PCDHGA7: variants seen among roughly 807,000 people sequenced by gnomAD.
PCDHGA7 encodes protocadherin gamma subfamily A, 7.
In PCDHGA7, 44 loss-of-function variants were observed where a neutral mutation model predicts 58.3. That is an observed-to-expected ratio of 0.75 (90% CI 0.59 to 0.97). The LOEUF (loss-of-function observed/expected upper bound fraction) is 0.97, where lower values mean the gene tolerates loss of function less well. PCDHGA7 is among the 50% of genes least tolerant of loss of function. The pLI, the probability that PCDHGA7 is intolerant of heterozygous loss-of-function variation, is 0.00. For synonymous variants in PCDHGA7, 516 were observed against 504.2 expected, an observed-to-expected ratio of 1.02 and a Z score of -0.31; for missense variants, 1,266 against 1,188.7, an observed-to-expected ratio of 1.06 and a Z score of -0.96.
Position 141,485,156 on chromosome 5 carries a change from A to G in PCDHGA7, c.2425-9651A>G. The G allele has an allele frequency of 6.3e-7, 1 of 1,599,118 alleles. No homozygotes were observed. The highest frequency in any genetic ancestry group is 8.6e-7 in the Non-Finnish European group (1 of 1,168,318). On this transcript the variant is annotated intron_variant, in intron 1 of 3. Transcript: ENST00000518325. The surrounding 1 kb of genome is among the most constrained non-coding windows in gnomAD (Gnocchi z 5.7). ...ATCCGCGTCTCAGGAGCAAGTAGAG[A>G]ATTAGCGGGCGGCAGCAATGCTCCG... is the stretch of plus-strand genomic sequence containing the variant.
chr5:141,415,920 G>T, intron 1 of PCDHGA7: 1 of 692,798 alleles, frequency 1.4e-6, no homozygotes, highest in Non-Finnish European at 2.0e-6. Context: ...AGAAGTGCCT[G>T]TCAATTTATA....
chr5:141,444,902 G>A (rs1442325957), intron 1 of PCDHGA7, among the ~76,000 whole-genome samples: 1 of 152,160 alleles, frequency 6.6e-6, no homozygotes, highest in Non-Finnish European at 1.5e-5. Context: ...GGATGGCATT[G>A]CATCTATACC....
Position 141,485,243 on chromosome 5 carries a change from C to A in PCDHGA7, c.2425-9564C>A. ...TACCCTTTTGTTCCTCTTTTACCACCTGGGTTACGTTTGTGGGCAGATCCG... is the reference window on the plus strand; with the variant it reads ...TACCCTTTTGTTCCTCTTTTACCACATGGGTTACGTTTGTGGGCAGATCCG... On this transcript the variant is annotated intron_variant, in intron 1 of 3. Transcript: ENST00000518325. This position sits in a 1 kb window ranked among gnomAD's most constrained non-coding sequence, Gnocchi z 5.7. 1 of 1,614,180 alleles carries A rather than the reference C, an allele frequency of 6.2e-7. No homozygotes were observed. The highest frequency in any genetic ancestry group is 8.5e-7 in the Non-Finnish European group (1 of 1,180,000).
intron 1 of PCDHGA7, chr5:141,409,742 G>T (rs763304955): frequency 5.0e-6 from 8 of 1,612,988 alleles, no homozygotes; most frequent in African/African-American, 1.3e-5. Flanking sequence ...GAGCGGGGTG[G>T]TGTTCGCGCA....
chr5:141,501,333 A>ACACACACC (rs1186649373), intron 2 of PCDHGA7, among the ~76,000 whole-genome samples: 1 of 140,020 alleles, frequency 7.1e-6, no homozygotes, highest in African/African-American at 2.6e-5. Context: ...ACACACACAC[A>ACACACACC]CCCCAAACTC....
rs532907359 is a variant in PCDHGA7, at chr5:141,500,353, C to T, written c.2484-5040C>T. 1.9e-4 allele frequency among the ~76,000 whole-genome samples: 29 copies of T among 152,052 alleles called. No homozygotes were observed. The East Asian group carries it at 5.2e-3, about 27-fold the overall frequency. The stretch of plus-strand genomic sequence containing the variant: ...CCTCCAGAATAGCTGGGACTACAGG[C>T]GCCCACTACCACGCCCGGCTAATTA... On this transcript the variant is annotated intron_variant, in intron 2 of 3. Transcript: ENST00000518325.
chr5:141,474,405 G>C (rs2099348833), intron 1 of PCDHGA7, among the ~76,000 whole-genome samples: 1 of 152,196 alleles, frequency 6.6e-6, no homozygotes, highest in Admixed American at 6.5e-5. Context: ...AAGCTCCCCG[G>C]TGATGCCTAG....
chr5:141,470,986 G>T (rs1215610104), intron 1 of PCDHGA7, among the ~76,000 whole-genome samples: 1 of 151,540 alleles, frequency 6.6e-6, no homozygotes, highest in Non-Finnish European at 1.5e-5. Flanking sequence ...CAAAGTGCTG[G>T]GACTACAGGC....
chr5:141,409,233 G>A, intron 1 of PCDHGA7: 2 of 1,614,008 alleles, frequency 1.2e-6, no homozygotes, highest in Non-Finnish European at 1.7e-6. Flanking sequence ...AACGACAACA[G>A]CCCAGAAATA....
chr5:141,410,318 G>C, intron 1 of PCDHGA7: 6 of 1,613,982 alleles, frequency 3.7e-6, no homozygotes, highest in Non-Finnish European at 5.1e-6. Context: ...CTTCCTCCTC[G>C]CCGTGATTCT....
chr5:141,509,586 T>A (rs2154594569), intron 3 of PCDHGA7, among the ~76,000 whole-genome samples: 1 of 152,302 alleles, frequency 6.6e-6, no homozygotes, highest in East Asian at 1.9e-4. Flanking sequence ...ACAAATCAGC[T>A]GGCAATTCCG....
At position 141,410,285 on chromosome 5, in the gene PCDHGA7, G is replaced by T. The variant is rs746596172; in HGVS notation, c.2424+24962G>T. 7 of 1,614,010 alleles carry T rather than the reference G, an allele frequency of 4.3e-6. No homozygotes were observed. The Admixed American group carries it at 1.2e-4, about 27-fold the overall frequency. ...TGAACTGCAGTTTTACCTGGTGGTGGCCTTGGCCTTAATCTCAGTGCTCTT... is the reference window on the plus strand; with the variant it reads ...TGAACTGCAGTTTTACCTGGTGGTGTCCTTGGCCTTAATCTCAGTGCTCTT... On this transcript the variant is annotated intron_variant, in intron 1 of 3. Coordinates refer to ENST00000518325, the MANE Select transcript of PCDHGA7 (RefSeq NM_018920.4).
chr5:141,432,635 G>C lies in PCDHGA7; in HGVS notation c.2424+47312G>C, dbSNP rs754354737. On this transcript the variant is annotated intron_variant, in intron 1 of 3. Transcript: ENST00000518325. The surrounding 1 kb of genome is among the most constrained non-coding windows in gnomAD (Gnocchi z 6.0). ...CTCGGTGGGTCTGCACACGGGCGAG[G>C]TGCGCACGGCGCGAGCCCTGCTGGA... The C allele has an allele frequency of 5.6e-6, 9 of 1,612,886 alleles. No individual in the cohort carries two copies. Among genetic ancestry groups the C allele is most frequent in the Non-Finnish European group, 7.6e-6 (9 of 1,179,742 alleles).
In PCDHGA7 at chr5:141,477,229, C is replaced by G. The variant is rs1376731101; in HGVS notation, c.2425-17578C>G. The G allele has an allele frequency of 6.2e-7, 1 of 1,614,222 alleles. No homozygotes were observed. The highest frequency in any genetic ancestry group is 8.5e-7 in the Non-Finnish European group (1 of 1,180,052). On this transcript the variant is annotated intron_variant, in intron 1 of 3. Transcript: ENST00000518325. This position sits in a 1 kb window ranked among gnomAD's most constrained non-coding sequence, Gnocchi z 4.9. ...AGGATGCCCCTCTGGGGACTGTCAT[C>G]GCTTTGCTCAGTGTGACTGACCTGG...
chr5:141,418,996 TG>T (rs745777250), intron 1 of PCDHGA7: 13 of 1,613,756 alleles, frequency 8.1e-6, no homozygotes, highest in Non-Finnish European at 1.1e-5. Flanking sequence ...CAGGGGAAAA[TG>T]GGGAAGTCAG....
At chr5:141,387,675 C>G in intron 1 of PCDHGA7, 1 of 729,278 alleles carries the variant, frequency 1.4e-6, no homozygotes, top group Non-Finnish European at 2.2e-6. Flanking sequence ...CAGATCTCCT[C>G]GCGCAGCCGC....
rs2099388776 is a variant in PCDHGA7, at chr5:141,476,308, C to T, written c.2425-18499C>T. On this transcript the variant is annotated intron_variant, in intron 1 of 3. Coordinates refer to ENST00000518325, the MANE Select transcript of PCDHGA7 (RefSeq NM_018920.4). The surrounding 1 kb of genome is among the most constrained non-coding windows in gnomAD (Gnocchi z 7.6). ...TGGATCTCGGTAGCCTCTCAGCCCG[C>T]AGGTTCCGGGTGGTGTCTGGAGCTA... The T allele has an allele frequency of 1.2e-6, 2 of 1,613,750 alleles. No individual in the cohort carries two copies. The highest frequency in any genetic ancestry group is 2.7e-5 in the African/African-American group (2 of 74,806).
chr5:141,405,927 A>G (rs138259154), intron 1 of PCDHGA7, among the ~76,000 whole-genome samples: 13 of 152,268 alleles, frequency 8.5e-5, no homozygotes, highest in African/African-American at 2.6e-4. Flanking sequence ...ATTTGCTGAT[A>G]TAACTTTCAT....
At chr5:141,398,632 A>G (rs1589336934) in intron 1 of PCDHGA7, 7 of 1,613,946 alleles carry the variant, frequency 4.3e-6, no homozygotes, top group Non-Finnish European at 5.1e-6. Context: ...CTCTCTGCAG[A>G]AGTATAAACT....
Sources: gnomAD v4.1 joint callset for allele counts (sites outside exome capture counted in the v4.1 genomes callset) on GRCh38, gnomAD v4.1.1 for gene constraint, Gnocchi (gnomAD v3.1) non-coding constraint, MANE v1.5 for transcripts, NCBI Gene and HGNC (gene_info 2026-07-23, HGNC 2026-07-21) for gene names.